The following COL24A1 variants were observed in gnomAD, a reference collection of about 807,000 sequenced individuals.
COL24A1 encodes the protein collagen alpha-1(XXIV) chain.
In COL24A1, 224 loss-of-function variants were observed where a neutral mutation model predicts 253.9. The observed-to-expected ratio is 0.88, with a 90% CI of 0.79 to 0.99. COL24A1 has a LOEUF of 0.99. COL24A1 is among the 50% of genes least tolerant of loss of function. The probability of loss-of-function intolerance (pLI) is 0.00; values close to 1 mark genes in which losing one functional copy is unlikely to be tolerated. For missense variants in COL24A1, 2,131 were observed against 2,068.5 expected, an observed-to-expected ratio of 1.03 and a Z score of -0.59; for synonymous variants, 685 against 673.7, an observed-to-expected ratio of 1.02 and a Z score of -0.26.
At chr1:85,818,189 C>A in intron 45 of COL24A1, 102 bp from the exon 46 acceptor site, 2 of 837,020 alleles carry the variant, frequency 2.4e-6, no homozygotes, top group South Asian at 3.0e-5. Context: ...CAAGAACTAG[C>A]ACGAACTAGT....
intron 6 of COL24A1, among the ~76,000 whole-genome samples, chr1:86,091,917 T>C (rs1169489499): frequency 6.6e-6 from 1 of 152,078 alleles, no homozygotes; most frequent in Non-Finnish European, 1.5e-5. Flanking sequence ...TAAATTGGCA[T>C]TACAATTTAT....
intron 2 of COL24A1, among the ~76,000 whole-genome samples, chr1:86,140,174 T>C (rs796285299): frequency 9.2e-5 from 14 of 152,300 alleles, no homozygotes; most frequent in African/African-American, 3.4e-4. Context: ...TAGTAAGTAT[T>C]ACTATTTTCT....
At chr1:86,032,466 A>C in intron 13 of COL24A1, among the ~76,000 whole-genome samples, 1 of 152,208 alleles carries the variant, frequency 6.6e-6, no homozygotes, top group East Asian at 1.9e-4. Context: ...TAAAATTTTC[A>C]ATACTGTTAA....
chr1:86,072,838 C>A (rs1419765536), intron 7 of COL24A1, among the ~76,000 whole-genome samples: 1 of 152,146 alleles, frequency 6.6e-6, no homozygotes, highest in Non-Finnish European at 1.5e-5. Flanking sequence ...GATACCCAGG[C>A]AAACAGGGTC....
chr1:85,961,546 A>T (rs1462189288), intron 23 of COL24A1, among the ~76,000 whole-genome samples: 3 of 152,200 alleles, frequency 2.0e-5, no homozygotes, highest in Non-Finnish European at 4.4e-5. Flanking sequence ...ACTCTGTTAT[A>T]GTATTTCTAT....
At chr1:85,784,058 A>T (rs1669410404) in intron 50 of COL24A1, 55 bp downstream of exon 50, 1 of 1,364,560 alleles carries the variant, frequency 7.3e-7, no homozygotes, top group African/African-American at 1.5e-5. Context: ...TATTATTTCA[A>T]CAGCTCTTTT....
intron 7 of COL24A1, among the ~76,000 whole-genome samples, chr1:86,066,231 C>CTTTTT (rs71078637): frequency 5.0e-4 from 43 of 85,548 alleles, no homozygotes; most frequent in African/African-American, 1.4e-3. Flanking sequence ...CCTAAGTCTC[C>CTTTTT]TTTTTTTTTT....
intron 43 of COL24A1, among the ~76,000 whole-genome samples, chr1:85,833,607 C>T (rs2102155949): frequency 6.6e-6 from 1 of 152,266 alleles, no homozygotes; most frequent in Admixed American, 6.5e-5. Flanking sequence ...CCAGCCATCC[C>T]ATTACTGGGT....
At chr1:86,030,742 TTTTC>T (rs1272504881) in intron 14 of COL24A1, among the ~76,000 whole-genome samples, 2 of 139,490 alleles carry the variant, frequency 1.4e-5, no homozygotes, top group Non-Finnish European at 3.1e-5. Context: ...TAATTTTCTT[TTTTC>T]TTTCTTTTTT....
chr1:86,092,203 C>A, intron 6 of COL24A1, 64 bp downstream of exon 6: 2 of 1,289,332 alleles, frequency 1.6e-6, no homozygotes, highest in Non-Finnish European at 1.1e-6. Flanking sequence ...TTTAAAAATG[C>A]TTAAATTATT....
chr1:85,997,025 GTGTATATATATATATA>G (rs1694859178), intron 19 of COL24A1, among the ~76,000 whole-genome samples: 1 of 68,228 alleles, frequency 1.5e-5, no homozygotes, highest in Non-Finnish European at 2.9e-5. Context: ...ATATGTGTGT[GTGTATATATATATATA>G]TGTGTGTGTG....
At chr1:85,804,589 T>C (rs2101820238) in intron 47 of COL24A1, among the ~76,000 whole-genome samples, 1 of 152,256 alleles carries the variant, frequency 6.6e-6, no homozygotes, top group Middle Eastern at 3.4e-3. Context: ...GAGGAGCAAG[T>C]CACACCTTGC....
intron 2 of COL24A1, among the ~76,000 whole-genome samples, chr1:86,126,533 C>CATG (rs1648329196): frequency 6.6e-6 from 1 of 152,000 alleles, no homozygotes; most frequent in Admixed American, 6.6e-5. Context: ...AGTGCAGCAG[C>CATG]ATGATTATAG....
intron 31 of COL24A1, among the ~76,000 whole-genome samples, chr1:85,890,673 A>G (rs1333553175): frequency 6.6e-6 from 1 of 152,134 alleles, no homozygotes; most frequent in Non-Finnish European, 1.5e-5. Context: ...GTGACAAATA[A>G]TTATCCAAAA....
chr1:85,990,044 A>G (rs1694103221), intron 19 of COL24A1, among the ~76,000 whole-genome samples: 1 of 152,164 alleles, frequency 6.6e-6, no homozygotes, highest in Non-Finnish European at 1.5e-5. Context: ...CAACTAGTAC[A>G]ATGCCTGATA....
chr1:86,016,993 C>T (rs534875613), intron 19 of COL24A1, among the ~76,000 whole-genome samples, 158 bp downstream of exon 19: 18 of 152,232 alleles, frequency 1.2e-4, no homozygotes, highest in Admixed American at 3.9e-4. Flanking sequence ...TTGCATACCT[C>T]GTGACATAAC....
At chr1:85,792,347 A>C (rs1670356584) in intron 47 of COL24A1, among the ~76,000 whole-genome samples, 1 of 151,802 alleles carries the variant, frequency 6.6e-6, no homozygotes, top group African/African-American at 2.4e-5. Context: ...AAAAATATAG[A>C]TATAAATAAT....
At chr1:86,130,099 T>C (rs572793364) in intron 2 of COL24A1, among the ~76,000 whole-genome samples, 10 of 151,858 alleles carry the variant, frequency 6.6e-5, no homozygotes, top group Non-Finnish European at 1.2e-4. Context: ...CTTTCAGAAT[T>C]ACAAAAAGAC....
chr1:85,824,456 T>A (rs1360819301), intron 43 of COL24A1, among the ~76,000 whole-genome samples: 1 of 152,206 alleles, frequency 6.6e-6, no homozygotes, highest in Non-Finnish European at 1.5e-5. Flanking sequence ...AGAATACATT[T>A]CTTTTTCAAC....
Sources: allele counts gnomAD v4.1 joint callset (sites outside exome capture counted in the v4.1 genomes callset), GRCh38; gene constraint gnomAD v4.1.1; transcripts MANE v1.5; gene names NCBI Gene and HGNC (gene_info 2026-07-23, HGNC 2026-07-21).